DENND2B: variants seen among roughly 807,000 people sequenced by gnomAD.
DENND2B encodes DENN domain-containing protein 2B.
DENND2B carries 32 observed loss-of-function variants against 116.0 expected under a neutral mutation model. The observed-to-expected ratio is 0.28, with a 90% CI of 0.21 to 0.37. The LOEUF is 0.37. Ranked by LOEUF, DENND2B falls within the 10% of genes least tolerant of loss-of-function variation. The probability of loss-of-function intolerance (pLI) is 1.00; values close to 1 mark genes in which losing one functional copy is unlikely to be tolerated. For synonymous variants in DENND2B, 588 were observed against 583.9 expected, an observed-to-expected ratio of 1.01 and a Z score of -0.10; for missense variants, 1,276 against 1,477.7, an observed-to-expected ratio of 0.86 and a Z score of 2.24.
At chr11:8,894,820 A>C (rs1477457660) in intron 1 of DENND2B, among the ~76,000 whole-genome samples, 3 of 152,172 alleles carry the variant, frequency 2.0e-5, no homozygotes, top group Admixed American at 1.3e-4. Flanking sequence ...ACTAGTTCAA[A>C]CATTGTGGAA....
At chr11:8,888,809 T>G (rs955490239) in intron 1 of DENND2B, among the ~76,000 whole-genome samples, 1 of 152,082 alleles carries the variant, frequency 6.6e-6, no homozygotes, top group African/African-American at 2.4e-5. Context: ...AATAACAATA[T>G]GAAAAGATGC....
chr11:8,753,046 G>A (rs1348726652), intron 1 of DENND2B, among the ~76,000 whole-genome samples: 1 of 152,130 alleles, frequency 6.6e-6, no homozygotes, highest in Non-Finnish European at 1.5e-5. Flanking sequence ...AGACCAGCCT[G>A]GCCAACATGG....
intron 4 of DENND2B, among the ~76,000 whole-genome samples, chr11:8,824,134 C>T (rs1371223075): frequency 6.6e-6 from 1 of 151,890 alleles, no homozygotes; most frequent in Non-Finnish European, 1.5e-5. Flanking sequence ...GATCTCCTGA[C>T]CTTGTGATCT....
chr11:8,723,478 T>C (rs758934493), intron 4 of DENND2B, among the ~76,000 whole-genome samples: 2 of 152,196 alleles, frequency 1.3e-5, no homozygotes, highest in Admixed American at 1.3e-4. Flanking sequence ...TAGGTCAGGT[T>C]TGAGAGAAGG....
In DENND2B at chr11:8,757,438, G is replaced by C. The variant is rs549649563; in HGVS notation, c.-25-6713C>G. 4.3e-4 allele frequency among the ~76,000 whole-genome samples: 65 copies of C among 152,296 alleles called. No individual in the cohort carries two copies. In the South Asian group the frequency reaches 0.013, roughly 31 times the overall value. ...TATTAACATGGAAGACACAGTCCCT[G>C]CCCTGGAGAAGCTAACTGTGAAGGG... is the stretch of plus-strand genomic sequence containing the variant. On this transcript the variant is annotated intron_variant, in intron 1 of 19. Coordinates refer to ENST00000313726, the MANE Select transcript of DENND2B (RefSeq NM_213618.2).
chr11:8,874,775 G>T (rs112281680), upstream of DENND2B, among the ~76,000 whole-genome samples: 1 of 151,594 alleles, frequency 6.6e-6, no homozygotes, highest in African/African-American at 2.4e-5. Flanking sequence ...AAAAAAATTA[G>T]CTGAGCATGG....
At chr11:8,888,218 C>T (rs921265315) in intron 1 of DENND2B, among the ~76,000 whole-genome samples, 1 of 152,162 alleles carries the variant, frequency 6.6e-6, no homozygotes, top group Non-Finnish European at 1.5e-5. Context: ...CCCATGACCA[C>T]CCCCATGGCA....
chr11:8,879,296 C>T (rs547608167), intron 2 of DENND2B, among the ~76,000 whole-genome samples: 3 of 152,288 alleles, frequency 2.0e-5, no homozygotes, highest in East Asian at 1.9e-4. Context: ...TGTAGCGGAC[C>T]GGATCCCTGA....
chr11:8,695,480 T>C lies in DENND2B; in HGVS notation c.3362A>G (p.Lys1121Arg). Residue 1121 changes from lysine (K) to arginine (R), a missense_variant, in exon 19 of 20, where the codon AAG becomes AGG. By Grantham distance (26) the Lys-to-Arg change is conservative. Coordinates refer to ENST00000313726, the MANE Select transcript of DENND2B (RefSeq NM_213618.2). ...CCACTTACCCAAACCTCGGAGAAAC[T>C]TATTCATTCCACTCTGCTCAGTGTC... ...LPDTEQSGMN[K>R]FLRGLGNKMK... 2 of 1,613,960 alleles carry C rather than the reference T, an allele frequency of 1.2e-6. No homozygotes were observed. Among genetic ancestry groups the C allele is most frequent in the Non-Finnish European group, 1.7e-6 (2 of 1,180,016 alleles).
intron 1 of DENND2B, among the ~76,000 whole-genome samples, chr11:8,758,962 C>A (rs370583974): frequency 7.2e-5 from 11 of 152,228 alleles, no homozygotes; most frequent in African/African-American, 2.4e-4. Context: ...TGCTTGAAAC[C>A]CCCATCAATT....
In DENND2B at chr11:8,704,105, C is replaced by T. The variant is rs538895416; in HGVS notation, c.2572-1385G>A. Among the ~76,000 whole-genome samples, 11 of 152,310 alleles carry T rather than the reference C, an allele frequency of 7.2e-5. No homozygotes were observed. In the South Asian group the frequency reaches 1.0e-3, roughly 14 times the overall value. On this transcript the variant is annotated intron_variant, in intron 13 of 19. Coordinates refer to ENST00000313726, the MANE Select transcript of DENND2B (RefSeq NM_213618.2). ...AATTCACACAGGCTGCTCCCACTCCCGGCCTTGTTCCCTGCATCCCTGCCT... is the reference window on the plus strand; with the variant it reads ...AATTCACACAGGCTGCTCCCACTCCTGGCCTTGTTCCCTGCATCCCTGCCT...
chr11:8,901,092 T>C (rs577209339), intron 1 of DENND2B, among the ~76,000 whole-genome samples: 7 of 151,964 alleles, frequency 4.6e-5, no homozygotes, highest in Admixed American at 2.6e-4. Context: ...GTTGGTTTCA[T>C]TGATTTTTCT....
chr11:8,760,047 G>C (rs571072425), intron 1 of DENND2B, among the ~76,000 whole-genome samples: 3 of 152,304 alleles, frequency 2.0e-5, no homozygotes, highest in East Asian at 1.9e-4. Context: ...CTGTGGAAAA[G>C]CTCCCCTGCT....
chr11:8,720,185 G>C (rs1222669051), intron 4 of DENND2B, among the ~76,000 whole-genome samples: 1 of 152,176 alleles, frequency 6.6e-6, no homozygotes, highest in East Asian at 1.9e-4. Flanking sequence ...GCTTTAGATA[G>C]AGCTTTCTAA....
intron 13 of DENND2B, among the ~76,000 whole-genome samples, chr11:8,705,704 T>C (rs2042482038): frequency 6.6e-6 from 1 of 152,230 alleles, no homozygotes; most frequent in Admixed American, 6.5e-5. Flanking sequence ...TCATCTACCC[T>C]GGGGCTCCAG....
At chr11:8,905,528 T>G (rs1177386374) in intron 1 of DENND2B, among the ~76,000 whole-genome samples, 4 of 152,104 alleles carry the variant, frequency 2.6e-5, no homozygotes, top group Admixed American at 1.3e-4. Context: ...AAAGCACAAT[T>G]TATAAAGGAA....
chr11:8,806,636 A>ACACACACACACC (rs1426363936), intron 1 of DENND2B, among the ~76,000 whole-genome samples: 1 of 151,594 alleles, frequency 6.6e-6, no homozygotes, highest in African/African-American at 2.4e-5. Context: ...ACACACACAC[A>ACACACACACACC]CACCCAGGAG....
intron 1 of DENND2B, among the ~76,000 whole-genome samples, chr11:8,910,261 C>G (rs1375195880): frequency 6.6e-6 from 1 of 151,412 alleles, no homozygotes; most frequent in Non-Finnish European, 1.5e-5. Flanking sequence ...GCCTCAATCC[C>G]GAGCTGTTCC....
chr11:8,901,260 T>TG (rs972762323), intron 1 of DENND2B, among the ~76,000 whole-genome samples: 5 of 132,978 alleles, frequency 3.8e-5, no homozygotes, highest in African/African-American at 1.4e-4. Context: ...GATGGAGTCT[T>TG]GCTCTATTGC....
Sources: allele counts gnomAD v4.1 joint callset (sites outside exome capture counted in the v4.1 genomes callset), GRCh38; gene constraint gnomAD v4.1.1; transcripts MANE v1.5; gene names NCBI Gene and HGNC (gene_info 2026-07-23, HGNC 2026-07-21).